DPP9: variants seen among roughly 807,000 people sequenced by gnomAD.
The protein encoded by DPP9 is dipeptidyl peptidase 9, also known as dipeptidyl peptidase IV-related protein-2.
Under a neutral mutation model 110.7 loss-of-function variants are expected in DPP9, and 50 were observed. That is an observed-to-expected ratio of 0.45 (90% CI 0.36 to 0.57). DPP9 has a LOEUF of 0.57. DPP9 is among the 20% of genes least tolerant of loss of function. DPP9 has a pLI of 0.00. For synonymous variants in DPP9, 561 were observed against 514.4 expected, an observed-to-expected ratio of 1.09 and a Z score of -1.23; for missense variants, 1,022 against 1,217.9, an observed-to-expected ratio of 0.84 and a Z score of 2.39.
At chr19:4,722,218 C>T in intron 2 of DPP9, 1 of 440,788 alleles carries the variant, frequency 2.3e-6, no homozygotes, top group South Asian at 3.4e-5. Context: ...GTAGGTGGAT[C>T]CAGGCACCCC....
rs1342132244 is a variant in DPP9, at chr19:4,693,592, A to C, written c.1516+1069T>G. On this transcript the variant is annotated intron_variant, in intron 13 of 21. Transcript: ENST00000262960. The surrounding 1 kb of genome is among the most constrained non-coding windows in gnomAD (Gnocchi z 5.0). ...TTTCCACTGCAAACGGTGTGGGCTC[A>C]GCTGTCCAAGCACATCCAGAATCAG... Among the ~76,000 whole-genome samples the C allele has an allele frequency of 1.3e-5, 2 of 152,058 alleles. No homozygotes were observed. Among genetic ancestry groups the C allele is most frequent in the Admixed American group, 1.3e-4 (2 of 15,262 alleles).
At chr19:4,683,013 G>A (rs1294095367) in intron 19 of DPP9, 175 bp from the exon 20 acceptor site, 23 of 1,525,870 alleles carry the variant, frequency 1.5e-5, no homozygotes, top group Middle Eastern at 2.0e-4. Context: ...TGGACGGTGC[G>A]TGGCATGGGG....
chr19:4,689,733 A>G lies in DPP9; in HGVS notation c.1597-11T>C, dbSNP rs1232690285. On this transcript the variant is annotated splice_polypyrimidine_tract_variant and intron_variant, in intron 14 of 21. Coordinates refer to ENST00000262960, the MANE Select transcript of DPP9 (RefSeq NM_139159.5). The surrounding 1 kb of genome is among the most constrained non-coding windows in gnomAD (Gnocchi z 7.0). The stretch of plus-strand genomic sequence containing the variant: ...CTCATTGACCCAGATCTGCAGGGGG[A>G]CAGGGGATCCTCGTGATGCGTCCCA... 2 of 1,542,070 alleles carry G rather than the reference A, an allele frequency of 1.3e-6. No individual in the cohort carries two copies.
In DPP9 at chr19:4,689,494, C is replaced by T. The variant is rs1248866185; in HGVS notation, c.1749+76G>A. 1 of 1,500,886 alleles carries T rather than the reference C, an allele frequency of 6.7e-7. No individual in the cohort carries two copies. Among genetic ancestry groups the T allele is most frequent in the Non-Finnish European group, 8.9e-7 (1 of 1,125,254 alleles). 93.0% of individuals were successfully genotyped at this position (1,500,886 alleles called of 1,614,324 possible). ...ATGAGAATGACCCTGAGTGCTGTGC[C>T]GGGCCATGAGGGACTGCTCTGGCTG... On this transcript the variant is annotated intron_variant, in intron 15 of 21. Transcript: ENST00000262960. This position sits in a 1 kb window ranked among gnomAD's most constrained non-coding sequence, Gnocchi z 7.0.
Position 4,689,536 on chromosome 19 carries a change from C to A in DPP9, c.1749+34G>T. ...CTCTGGCTGGGAGCTGTTGGACGGG[C>A]ACAGGGCGGTGCCGTGAGGCTGGGC... On this transcript the variant is annotated intron_variant, in intron 15 of 21. Transcript: ENST00000262960. This position sits in a 1 kb window ranked among gnomAD's most constrained non-coding sequence, Gnocchi z 7.0. 2.0e-6 allele frequency: 3 copies of A among 1,538,340 alleles called. No homozygotes were observed. Among genetic ancestry groups the A allele is most frequent in the Non-Finnish European group, 1.7e-6 (2 of 1,146,534 alleles).
chr19:4,692,073 G>A (rs1463676695), intron 13 of DPP9, among the ~76,000 whole-genome samples: 7 of 151,910 alleles, frequency 4.6e-5, no homozygotes, highest in Admixed American at 1.3e-4. Context: ...CTCCCACCTC[G>A]GCCTCCCAAA....
intron 20 of DPP9, among the ~76,000 whole-genome samples, chr19:4,681,767 A>T (rs2089916661): frequency 7.0e-6 from 1 of 142,168 alleles, no homozygotes; most frequent in African/African-American, 2.7e-5. Context: ...GGGTTTCACC[A>T]TGTTGGCCAG....
At chr19:4,692,142 G>A (rs1387246240) in intron 13 of DPP9, among the ~76,000 whole-genome samples, 1 of 152,096 alleles carries the variant, frequency 6.6e-6, no homozygotes. Context: ...TGGTGAAAGC[G>A]CTAGGGCTAG....
Position 4,685,519 on chromosome 19 carries a change from C to A in DPP9, c.2031+107G>T. ...TGGGCTGGGGCACCAGGCAGGTAGC[C>A]GGGGAGCCTCCTCTGGTTGACTGTT... is the stretch of plus-strand genomic sequence containing the variant. On this transcript the variant is annotated intron_variant, in intron 17 of 21. Coordinates refer to ENST00000262960, the MANE Select transcript of DPP9 (RefSeq NM_139159.5). The surrounding 1 kb of genome is among the most constrained non-coding windows in gnomAD (Gnocchi z 5.8). 7.8e-7 allele frequency: 1 copy of A among 1,276,300 alleles called. No homozygotes were observed. Among genetic ancestry groups the A allele is most frequent in the Non-Finnish European group, 1.1e-6 (1 of 921,828 alleles). The allele number at this position is 1,276,300 out of a possible 1,614,324, so 79.1% of individuals were successfully genotyped here.
chr19:4,718,754 C>T lies in DPP9; in HGVS notation c.56+1097G>A, dbSNP rs997497737. ...ACGCTGGGACCACCCGGTTTTAGAG[C>T]CCATGGCTGGGCCAATCATAGCCCT... On this transcript the variant is annotated intron_variant, in intron 3 of 21. Coordinates refer to ENST00000262960, the MANE Select transcript of DPP9 (RefSeq NM_139159.5). This position sits in a 1 kb window ranked among gnomAD's most constrained non-coding sequence, Gnocchi z 4.3. Among the ~76,000 whole-genome samples, 1 of 152,234 alleles carries T rather than the reference C, an allele frequency of 6.6e-6. No homozygotes were observed. The highest frequency in any genetic ancestry group is 1.9e-4 in the East Asian group (1 of 5,202).
chr19:4,699,307 T>G lies in DPP9; in HGVS notation c.1074+909A>C, dbSNP rs1288670119. ...GGTGCAGGGGAAGGGAGGGTTTCTC[T>G]GGACGCCTGGTGTCCCCATCATCAT... On this transcript the variant is annotated intron_variant, in intron 10 of 21. Transcript: ENST00000262960. 5.3e-5 allele frequency among the ~76,000 whole-genome samples: 8 copies of G among 152,274 alleles called. No homozygotes were observed. In the East Asian group the frequency reaches 1.5e-3, roughly 29 times the overall value.
rs1203889967 is a variant in DPP9 at position 4,676,585 on chromosome 19, G to A, written c.2658C>T (p.His886=). 1.2e-6 allele frequency: 2 copies of A among 1,606,112 alleles called. No individual in the cohort carries two copies. Among genetic ancestry groups the A allele is most frequent in the African/African-American group, 1.3e-5 (1 of 74,902 alleles). Residue 886 remains histidine, a synonymous_variant, in exon 22 of 22, where the codon CAC becomes CAT. Coordinates refer to ENST00000262960, the MANE Select transcript of DPP9 (RefSeq NM_139159.5). The surrounding 1 kb of genome is among the most constrained non-coding windows in gnomAD (Gnocchi z 4.0). ...SGEHYEVTLL[H]FLQEYL is the part of the protein sequence containing the mutation. ...AGGCTCAGAGGTATTCCTGTAGAAA[G>A]TGCAGCAACGTGACTTCATAGTGCT...
rs368492033 is a variant in DPP9 at position 4,695,584 on chromosome 19, G to C, written c.1176-29C>G. 45 of 1,445,440 alleles carry C rather than the reference G, an allele frequency of 3.1e-5. No homozygotes were observed. The highest frequency in any genetic ancestry group is 3.9e-5 in the Non-Finnish European group (43 of 1,098,690). The allele number at this position is 1,445,440 out of a possible 1,614,324, so 89.5% of individuals were successfully genotyped here. A position where few individuals can be genotyped will look rare whatever the true frequency, so the allele number is the denominator to read the frequency against. On this transcript the variant is annotated intron_variant, in intron 11 of 21. Coordinates refer to ENST00000262960, the MANE Select transcript of DPP9 (RefSeq NM_139159.5). The surrounding 1 kb of genome is among the most constrained non-coding windows in gnomAD (Gnocchi z 4.7). Reference sequence around the variant, plus strand: ...AGGGGGAAGATGCGGGGGAAGATGAGAGGGAAGCTGGGAGCCTCAGTGGCC... The same window carrying C: ...AGGGGGAAGATGCGGGGGAAGATGACAGGGAAGCTGGGAGCCTCAGTGGCC...
rs529804466 is a variant in DPP9, at chr19:4,687,729, C to T, written c.1885+1028G>A. ...AGGTGAGTGGAAAGCCTGATAACCA[C>T]GGCGGGTTTCAAACCAGTGTGGGTG... is the stretch of plus-strand genomic sequence containing the variant. On this transcript the variant is annotated intron_variant, in intron 16 of 21. Transcript: ENST00000262960. This position sits in a 1 kb window ranked among gnomAD's most constrained non-coding sequence, Gnocchi z 4.7. 6.6e-6 allele frequency among the ~76,000 whole-genome samples: 1 copy of T among 152,272 alleles called. No homozygotes were observed. Among genetic ancestry groups the T allele is most frequent in the Admixed American group, 6.5e-5 (1 of 15,312 alleles).
At chr19:4,701,561 G>A (rs1471169731) in intron 9 of DPP9, among the ~76,000 whole-genome samples, 2 of 152,158 alleles carry the variant, frequency 1.3e-5, no homozygotes, top group East Asian at 1.9e-4. Flanking sequence ...TCCTTCTTTC[G>A]TTCTGAGACG....
At position 4,692,528 on chromosome 19, in the gene DPP9, C is replaced by T. The variant is rs57389791; in HGVS notation, c.1517-1571G>A. On this transcript the variant is annotated intron_variant, in intron 13 of 21. Transcript: ENST00000262960. ...GCAATGTCACTTGGGGTCACCTCCT[C>T]GCCATGCAGCTGCTGTCTAGGAGAT... 2.6e-3 allele frequency among the ~76,000 whole-genome samples: 392 copies of T among 152,210 alleles called. 1 individual carries two copies. The highest frequency in any genetic ancestry group is 8.9e-3 in the African/African-American group (371 of 41,562).
In DPP9 at chr19:4,682,734, C is replaced by T. The variant is rs369482869; in HGVS notation, c.2436G>A (p.Ala812=). 295 of 1,608,842 alleles carry T rather than the reference C, an allele frequency of 1.8e-4. No individual in the cohort carries two copies. The highest frequency in any genetic ancestry group is 2.4e-4 in the Non-Finnish European group (286 of 1,177,968). The change falls in exon 20 of 22, where the codon GCG becomes GCA. Residue 812 remains alanine (A), a synonymous_variant. Coordinates refer to ENST00000262960, the MANE Select transcript of DPP9 (RefSeq NM_139159.5). This position sits in a 1 kb window ranked among gnomAD's most constrained non-coding sequence, Gnocchi z 7.1. The part of the protein sequence containing the change: ...VPENNQHGYE[A]GSVALHVEKL... ...TCTCCACGTGCAGGGCCACGGAACCCGCCTCATAGCCGTGCTGGTTGTTCT... is the reference window on the plus strand; with the variant it reads ...TCTCCACGTGCAGGGCCACGGAACCTGCCTCATAGCCGTGCTGGTTGTTCT...
At position 4,686,105 on chromosome 19, in the gene DPP9, GT is replaced by G. The variant is rs553250627; in HGVS notation, c.1886-335del. 3.3e-5 allele frequency among the ~76,000 whole-genome samples: 5 copies of G among 149,990 alleles called. No individual in the cohort carries two copies. In the South Asian group the frequency reaches 1.1e-3, roughly 32 times the overall value. ...CAATTAGGATGGTGGGGGTTTTTCT[GT>G]TTTTTTTCTTTTTCTTCTTTTTTTT... On this transcript the variant is annotated intron_variant, in intron 16 of 21. Transcript: ENST00000262960.
intron 20 of DPP9, among the ~76,000 whole-genome samples, chr19:4,680,523 G>A (rs2089698011): frequency 6.6e-6 from 1 of 152,022 alleles, no homozygotes; most frequent in Non-Finnish European, 1.5e-5. Flanking sequence ...ACCAGCCTGG[G>A]CAACATGGCA....
Sources: allele counts gnomAD v4.1 joint callset (sites outside exome capture counted in the v4.1 genomes callset), GRCh38; gene constraint gnomAD v4.1.1; non-coding constraint Gnocchi (gnomAD v3.1); transcripts MANE v1.5; gene names NCBI Gene and HGNC (gene_info 2026-07-23, HGNC 2026-07-21).